SENP6: variants seen among roughly 807,000 people sequenced by gnomAD.
The protein encoded by SENP6 is SUMO specific peptidase 6.
A neutral mutation model predicts 134.5 loss-of-function variants in SENP6; 41 were observed. The observed-to-expected ratio is 0.30, with a 90% CI of 0.24 to 0.40. SENP6 has a LOEUF of 0.40. Ranked by LOEUF, SENP6 falls within the 10% of genes least tolerant of loss-of-function variation. The pLI is 1.00. For synonymous variants in SENP6, 395 were observed against 429.8 expected (o/e 0.92, Z 1.00); for missense variants, 1,248 against 1,312.5 (o/e 0.95, Z 0.76).
At chr6:75,625,875 AAAAAC>A (rs1399216494) in intron 3 of SENP6, among the ~76,000 whole-genome samples, 2 of 152,210 alleles carry the variant, frequency 1.3e-5, no homozygotes, top group African/African-American at 4.8e-5. Flanking sequence ...TCTCCAAACA[AAAAAC>A]AAAACAAAAA....
At chr6:75,622,917 C>A in intron 2 of SENP6, 1 of 751,726 alleles carries the variant, frequency 1.3e-6, no homozygotes, top group Non-Finnish European at 1.9e-6. Context: ...TTCTTTTATA[C>A]TTTTTCTGAT....
intron 16 of SENP6, among the ~76,000 whole-genome samples, chr6:75,681,782 A>T (rs900395182): frequency 6.6e-6 from 1 of 152,194 alleles, no homozygotes; most frequent in Non-Finnish European, 1.5e-5. Flanking sequence ...TAATCCTAGC[A>T]ATTTTGGAGG....
chr6:75,675,203 AAG>A (rs1344549062), intron 11 of SENP6, among the ~76,000 whole-genome samples: 2 of 152,170 alleles, frequency 1.3e-5, no homozygotes, highest in African/African-American at 4.8e-5. Context: ...AGAAAAAAAA[AAG>A]AGGAAAGAAA....
At chr6:75,667,404 G>C (rs1333313242) in intron 10 of SENP6, among the ~76,000 whole-genome samples, 1 of 152,132 alleles carries the variant, frequency 6.6e-6, no homozygotes, top group African/African-American at 2.4e-5. Context: ...TTTAATGTCT[G>C]TAATAGACTG....
intron 3 of SENP6, 56 bp downstream of exon 3, chr6:75,624,016 C>A (rs1379602041): frequency 2.2e-6 from 3 of 1,360,984 alleles, no homozygotes; most frequent in African/African-American, 1.5e-5. Flanking sequence ...AAAATTGTTA[C>A]CTCAAAAGAT....
Position 75,621,614 on chromosome 6 carries a change from T to A in SENP6, c.135T>A (p.Asp45Glu). 8 of 1,496,724 alleles carry A rather than the reference T, an allele frequency of 5.3e-6. No homozygotes were observed. The highest frequency in any genetic ancestry group is 1.4e-5 in the African/African-American group (1 of 72,658). 92.7% of individuals were successfully genotyped at this position (1,496,724 alleles called of 1,614,324 possible). A position where few individuals can be genotyped will look rare whatever the true frequency, so the allele number is the denominator to read the frequency against. Residue 45 changes from aspartate (D) to glutamate (E), a missense_variant, in exon 2 of 24, where the codon GAT becomes GAA. Coordinates refer to ENST00000447266, the MANE Select transcript of SENP6 (RefSeq NM_015571.4). ...ATCATGAAGAAGAAAGTGAAGGAGA[T>A]ACAGATAAAGAGTAAGGATTTTTTT... is the stretch of plus-strand genomic sequence containing the variant. Reference protein sequence around the residue: ...SFDHEEESEGDTDKDGTNLLS... With the variant: ...SFDHEEESEGETDKDGTNLLS...
intron 21 of SENP6, 128 bp downstream of exon 21, chr6:75,711,544 A>C (rs969584044): frequency 4.2e-5 from 23 of 545,264 alleles, no homozygotes; most frequent in Non-Finnish European, 6.4e-5. Flanking sequence ...GTCAGTGAGG[A>C]AACTTGAGGC....
Position 75,634,827 on chromosome 6 carries a change from G to GAAATTAATCC in SENP6, c.458+16_458+17insAAATTAATCC. ...CAGCCCAAAGGTAAGAATTCTAATT[G>GAAATTAATCC]TCTTTGGTTAGTATATACATGGCAT... is the stretch of plus-strand genomic sequence containing the variant. On this transcript the variant is annotated intron_variant, in intron 5 of 23. Coordinates refer to ENST00000447266, the MANE Select transcript of SENP6 (RefSeq NM_015571.4). 6.6e-7 allele frequency: 1 copy of GAAATTAATCC among 1,522,122 alleles called. No individual in the cohort carries two copies. The highest frequency in any genetic ancestry group is 9.0e-7 in the Non-Finnish European group (1 of 1,108,184). The allele number at this position is 1,522,122 out of a possible 1,614,324, so 94.3% of individuals were successfully genotyped here.
intron 18 of SENP6, among the ~76,000 whole-genome samples, chr6:75,698,988 GCA>G (rs1774839264): frequency 6.7e-6 from 1 of 150,014 alleles, no homozygotes; most frequent in Non-Finnish European, 1.5e-5. Flanking sequence ...TCCAGCCTGG[GCA>G]GCAGAGTGAG....
rs138176861 is a variant in SENP6, at chr6:75,656,531, G to A, written c.551-2731G>A. ...AATCTTAAGCTTTTTGCCATTTTAT[G>A]TTTCTGCTGTAATTTTAGACTAGTT... On this transcript the variant is annotated intron_variant, in intron 7 of 23. Transcript: ENST00000447266. Among the ~76,000 whole-genome samples the A allele has an allele frequency of 2.2e-4, 34 of 152,214 alleles. No homozygotes were observed. In the East Asian group the frequency reaches 6.6e-3, roughly 29 times the overall value.
At chr6:75,667,863 A>G (rs1772368399) in intron 10 of SENP6, among the ~76,000 whole-genome samples, 1 of 152,236 alleles carries the variant, frequency 6.6e-6, no homozygotes, top group Non-Finnish European at 1.5e-5. Context: ...AATAAAAATT[A>G]GAACTTATAT....
intron 1 of SENP6, among the ~76,000 whole-genome samples, chr6:75,621,091 C>T (rs751474686): frequency 1.6e-4 from 24 of 152,084 alleles, no homozygotes; most frequent in African/African-American, 5.3e-4. Flanking sequence ...AAACCGAAAA[C>T]GTTGTTTGTT....
At chr6:75,643,303 T>C (rs1290916122) in intron 6 of SENP6, among the ~76,000 whole-genome samples, 1 of 152,242 alleles carries the variant, frequency 6.6e-6, no homozygotes, top group Non-Finnish European at 1.5e-5. Context: ...CCAGCTATAC[T>C]ACATTGTTTA....
In SENP6 at chr6:75,640,205, G is replaced by A. The variant is rs546999601; in HGVS notation, c.459-479G>A. 3.3e-5 allele frequency among the ~76,000 whole-genome samples: 5 copies of A among 152,274 alleles called. No individual in the cohort carries two copies. In the South Asian group the frequency reaches 1.0e-3, roughly 32 times the overall value. ...AATAAAACCAGGTGTAGTATACAGA[G>A]CAAAAAACCCATGTGCTCACAAAAA... On this transcript the variant is annotated intron_variant, in intron 5 of 23. Transcript: ENST00000447266.
At chr6:75,667,612 T>C (rs1772346301) in intron 10 of SENP6, among the ~76,000 whole-genome samples, 1 of 152,182 alleles carries the variant, frequency 6.6e-6, no homozygotes, top group Non-Finnish European at 1.5e-5. Context: ...GAAAGGACAC[T>C]TTCCCAATTT....
intron 1 of SENP6, among the ~76,000 whole-genome samples, chr6:75,615,306 AG>A (rs1354751685): frequency 6.6e-6 from 1 of 152,046 alleles, no homozygotes; most frequent in Non-Finnish European, 1.5e-5. Context: ...CAGCCTCCCG[AG>A]TAGCTGGGAT....
intron 11 of SENP6, among the ~76,000 whole-genome samples, chr6:75,673,779 G>T (rs1562034004): frequency 1.3e-5 from 2 of 151,892 alleles, no homozygotes; most frequent in African/African-American, 4.8e-5. Context: ...CCAGCACTTT[G>T]GGAGGCTGAG....
chr6:75,686,024 G>GAGTCTA (rs1431022253), intron 16 of SENP6, among the ~76,000 whole-genome samples: 1 of 150,262 alleles, frequency 6.7e-6, no homozygotes, highest in African/African-American at 2.5e-5. Context: ...TATTGTGTGG[G>GAGTCTA]AGTCTAAGTC....
chr6:75,620,958 A>G (rs1424920609), intron 1 of SENP6, among the ~76,000 whole-genome samples: 1 of 152,150 alleles, frequency 6.6e-6, no homozygotes, highest in Non-Finnish European at 1.5e-5. Context: ...CCCACTTTCT[A>G]ATTGTTAATG....
Sources: allele counts gnomAD v4.1 joint callset (sites outside exome capture counted in the v4.1 genomes callset), GRCh38; gene constraint gnomAD v4.1.1; transcripts MANE v1.5; gene names NCBI Gene and HGNC (gene_info 2026-07-23, HGNC 2026-07-21).